NEMF: variants seen among roughly 807,000 people sequenced by gnomAD.
The protein encoded by NEMF is nuclear export mediator factor.
NEMF carries 89 observed loss-of-function variants against 162.2 expected under a neutral mutation model. The observed-to-expected ratio is 0.55, with a 90% CI of 0.46 to 0.65. NEMF has a LOEUF of 0.65. Ranked by LOEUF, NEMF falls within the 30% of genes least tolerant of loss-of-function variation. The probability of loss-of-function intolerance (pLI) is 0.00; values close to 1 mark genes in which losing one functional copy is unlikely to be tolerated. For synonymous variants in NEMF, 421 were observed against 404.5 expected (o/e 1.04, Z -0.49); for missense variants, 1,133 against 1,261.9 (o/e 0.90, Z 1.55).
chr14:49,849,306 G>A (rs928028941), intron 3 of NEMF, among the ~76,000 whole-genome samples: 32 of 152,226 alleles, frequency 2.1e-4, no homozygotes, highest in African/African-American at 6.3e-4. Context: ...AGTAAAAAGG[G>A]GATTATTTAT....
At position 49,852,774 on chromosome 14, in the gene NEMF, A is replaced by G. The variant is rs755532914; in HGVS notation, c.-21T>C. The G allele has an allele frequency of 5.4e-5, 87 of 1,613,902 alleles. No homozygotes were observed. Among genetic ancestry groups the G allele is most frequent in the Middle Eastern group, 1.6e-4 (1 of 6,062 alleles). On this transcript the variant is annotated 5_prime_UTR_variant, in exon 1 of 33. Transcript: ENST00000298310. ...TTCATGGCGAGGCCCGAGGGTCACTACCGCAAGTTCCTCTACTGCCCGGCC... is the reference window on the plus strand; with the variant it reads ...TTCATGGCGAGGCCCGAGGGTCACTGCCGCAAGTTCCTCTACTGCCCGGCC...
At chr14:49,817,757 C>T (rs977711185) in intron 16 of NEMF, among the ~76,000 whole-genome samples, 2 of 152,134 alleles carry the variant, frequency 1.3e-5, no homozygotes, top group African/African-American at 4.8e-5. Flanking sequence ...ACACTGCTTA[C>T]CAAAACTAGG....
chr14:49,841,196 C>CAAAAAAAAAAAAAAAAAAAAAGAAAAA (rs1893187684), intron 4 of NEMF, among the ~76,000 whole-genome samples: 1 of 56,800 alleles, frequency 1.8e-5, no homozygotes. Flanking sequence ...AACTCTGTCT[C>CAAAAAAAAAAAAAAAAAAAAAGAAAAA]AAAAAAAAAA....
intron 26 of NEMF, 122 bp downstream of exon 26, chr14:49,795,669 G>C (rs1594734329): frequency 2.3e-6 from 2 of 869,378 alleles, no homozygotes; most frequent in Admixed American, 2.8e-5. Context: ...CTAATTTTTA[G>C]TCAAAGGAAA....
At chr14:49,794,817 C>T (rs1221193965) in intron 26 of NEMF, among the ~76,000 whole-genome samples, 2 of 149,822 alleles carry the variant, frequency 1.3e-5, no homozygotes, top group African/African-American at 4.9e-5. Flanking sequence ...CTCCTGGGTT[C>T]AAGCAATTCT....
In NEMF at chr14:49,800,934, C is replaced by T. The variant is rs920931090; in HGVS notation, c.2096-238G>A. 5 of 429,424 alleles carry T rather than the reference C, an allele frequency of 1.2e-5. No individual in the cohort carries two copies. In the South Asian group the frequency reaches 2.5e-4, roughly 22 times the overall value. The allele number at this position is 429,424 out of a possible 1,614,324, so 26.6% of individuals were successfully genotyped here. A position where few individuals can be genotyped will look rare whatever the true frequency, so the allele number is the denominator to read the frequency against. On this transcript the variant is annotated intron_variant, in intron 22 of 32. Coordinates refer to ENST00000298310, the MANE Select transcript of NEMF (RefSeq NM_004713.6). ...ACAATAAATTTCTTGGACATTGCTA[C>T]CCTTTCAACAATGAAAACCACAACT... is the stretch of plus-strand genomic sequence containing the variant.
At chr14:49,829,308 T>C (rs759899426) in intron 12 of NEMF, 41 bp downstream of exon 12, 2 of 1,613,180 alleles carry the variant, frequency 1.2e-6, no homozygotes, top group Non-Finnish European at 1.7e-6. Flanking sequence ...CAGTTAAAGT[T>C]AACATTTTTG....
chr14:49,794,563 A>G (rs1404480636), intron 26 of NEMF, among the ~76,000 whole-genome samples: 1 of 151,154 alleles, frequency 6.6e-6, no homozygotes, highest in Non-Finnish European at 1.5e-5. Flanking sequence ...TGCTACAAAC[A>G]TGCCTGTAAA....
chr14:49,830,976 C>T (rs530388304), intron 11 of NEMF, among the ~76,000 whole-genome samples: 1 of 152,324 alleles, frequency 6.6e-6, no homozygotes, highest in South Asian at 2.1e-4. Flanking sequence ...AACAGTATCT[C>T]CTTAACAGCA....
intron 28 of NEMF, among the ~76,000 whole-genome samples, chr14:49,788,743 G>A (rs1476817229): frequency 6.6e-6 from 1 of 151,880 alleles, no homozygotes; most frequent in African/African-American, 2.4e-5. Flanking sequence ...TTTTTTAGTA[G>A]AGACAGGGTT....
chr14:49,840,476 C>A (rs891821313), intron 5 of NEMF, among the ~76,000 whole-genome samples: 2 of 142,678 alleles, frequency 1.4e-5, no homozygotes, highest in African/African-American at 5.2e-5. Flanking sequence ...AAAAAAAAAA[C>A]ACCTAAGGAC....
At position 49,783,958 on chromosome 14, in the gene NEMF, A is replaced by G. The variant is rs1890037193; in HGVS notation, c.*678T>C. On this transcript the variant is annotated 3_prime_UTR_variant, in exon 33 of 33. Coordinates refer to ENST00000298310, the MANE Select transcript of NEMF (RefSeq NM_004713.6). Reference sequence around the variant, plus strand: ...TTAAACCCCTTGTAGCTGGCCTATAATATATATATATTAGATGTTATATAC... The same window carrying G: ...TTAAACCCCTTGTAGCTGGCCTATAGTATATATATATTAGATGTTATATAC... 6.6e-6 allele frequency: 1 copy of G among 151,596 alleles called. No homozygotes were observed. Among genetic ancestry groups the G allele is most frequent in the African/African-American group, 2.4e-5 (1 of 41,204 alleles). The allele number at this position is 151,596 out of a possible 1,614,324, so 9.4% of individuals were successfully genotyped here.
At chr14:49,805,157 C>T (rs930389518) in intron 19 of NEMF, among the ~76,000 whole-genome samples, 1 of 151,962 alleles carries the variant, frequency 6.6e-6, no homozygotes, top group Non-Finnish European at 1.5e-5. Flanking sequence ...TTATAATCCC[C>T]CTATATGACA....
chr14:49,843,431 T>C (rs765178596), intron 4 of NEMF, among the ~76,000 whole-genome samples: 1 of 152,128 alleles, frequency 6.6e-6, no homozygotes, highest in Non-Finnish European at 1.5e-5. Context: ...GAGGCCGAGT[T>C]TGCAGTAAGC....
chr14:49,799,584 A>C, intron 24 of NEMF, 52 bp downstream of exon 24: 1 of 1,595,466 alleles, frequency 6.3e-7, no homozygotes, highest in South Asian at 1.1e-5. Flanking sequence ...TGAAAAGTAG[A>C]AAATTATTCA....
At chr14:49,785,037 C>T (rs1566643142) in intron 31 of NEMF, 33 bp from the exon 32 acceptor site, 1 of 1,607,804 alleles carries the variant, frequency 6.2e-7, no homozygotes. Flanking sequence ...GAATAATCTA[C>T]TGTTAAGTCA....
chr14:49,841,600 A>AT (rs1893215420), intron 4 of NEMF, among the ~76,000 whole-genome samples: 1 of 150,708 alleles, frequency 6.6e-6, no homozygotes, highest in African/African-American at 2.5e-5. Context: ...AAAAAAAAAA[A>AT]TTGAGAAAGA....
intron 16 of NEMF, chr14:49,820,468 G>A (rs1183290593): frequency 4.4e-6 from 2 of 456,460 alleles, no homozygotes; most frequent in Non-Finnish European, 8.8e-6. Context: ...TGAAAGTATT[G>A]TATCAAGAGC....
intron 7 of NEMF, chr14:49,834,106 T>C (rs1892778427): frequency 1.8e-6 from 1 of 563,024 alleles, no homozygotes; most frequent in Admixed American, 2.3e-5. Context: ...GTGGGGTTTT[T>C]TGAGATGGGG....
Sources: allele counts gnomAD v4.1 joint callset (sites outside exome capture counted in the v4.1 genomes callset), GRCh38; gene constraint gnomAD v4.1.1; transcripts MANE v1.5; gene names NCBI Gene and HGNC (gene_info 2026-07-23, HGNC 2026-07-21).